VLDLR: variants seen among roughly 807,000 people sequenced by gnomAD.
The protein encoded by VLDLR is very low density lipoprotein receptor.
VLDLR carries 81 observed loss-of-function variants against 112.7 expected under a neutral mutation model. That is an observed-to-expected ratio of 0.72 (90% CI 0.60 to 0.86). The LOEUF (loss-of-function observed/expected upper bound fraction) is 0.86. VLDLR is among the 40% of genes least tolerant of loss of function. The pLI is 0.00. For missense variants in VLDLR, 1,237 were observed against 1,099.4 expected, an observed-to-expected ratio of 1.13 and a Z score of -1.77; for synonymous variants, 436 against 384.8, an observed-to-expected ratio of 1.13 and a Z score of -1.56.
chr9:2,646,426 C>A lies in VLDLR; in HGVS notation c.1577C>A (p.Thr526Asn), dbSNP rs1818075527. The change falls in exon 11 of 19, where the codon ACC (threonine) becomes AAC (asparagine). Residue 526 changes from threonine (T) to asparagine (N), a missense_variant. By Grantham distance (65) the Thr-to-Asn change is moderately conservative. Transcript: ENST00000382100. ...ATTGCTGTTGATTGGGTGTACAAGA[C>A]CATCTACTGGACTGATGCGGCTTCT... ...AAIAVDWVYK[T>N]IYWTDAASKT... 1.2e-6 allele frequency: 2 copies of A among 1,614,158 alleles called. No homozygotes were observed. Among genetic ancestry groups the A allele is most frequent in the Non-Finnish European group, 1.7e-6 (2 of 1,180,024 alleles).
chr9:2,652,726 T>C, intron 17 of VLDLR, 54 bp from the exon 18 acceptor site: 1 of 1,603,682 alleles, frequency 6.2e-7, no homozygotes, highest in Non-Finnish European at 8.5e-7. Context: ...TTACCTTTCT[T>C]GTATGTTCCA....
chr9:2,647,885 T>C (rs767209138), intron 12 of VLDLR: 37 of 568,222 alleles, frequency 6.5e-5, no homozygotes, highest in Non-Finnish European at 1.0e-4. Context: ...TGCCTTAGCA[T>C]TTCCTGAATT....
At chr9:2,644,089 G>C (rs879129189) in intron 7 of VLDLR, 130 bp downstream of exon 7, 1 of 1,363,426 alleles carries the variant, frequency 7.3e-7, no homozygotes, top group African/African-American at 1.5e-5. Context: ...GTAGACTTCA[G>C]AGTGAAACTT....
At chr9:2,644,018 T>C (rs1817947036) in intron 7 of VLDLR, 59 bp downstream of exon 7, 1 of 1,612,516 alleles carries the variant, frequency 6.2e-7, no homozygotes, top group African/African-American at 1.3e-5. Context: ...CCAGTATAGC[T>C]AACACTGTGT....
At chr9:2,632,408 C>G (rs1817391510) in intron 1 of VLDLR, among the ~76,000 whole-genome samples, 1 of 152,160 alleles carries the variant, frequency 6.6e-6, no homozygotes, top group Admixed American at 6.5e-5. Context: ...CTTCTACTTC[C>G]AAGGTATTTT....
In VLDLR at chr9:2,647,295, G is replaced by A. The variant is rs544557567; in HGVS notation, c.1704-179G>A. Among the ~76,000 whole-genome samples the A allele has an allele frequency of 9.2e-5, 14 of 152,296 alleles. No homozygotes were observed. The South Asian group carries it at 2.7e-3, about 29-fold the overall frequency. ...GATTATTATAGTTAATAATGAGCTTGTAGATTCTTAATATTCAATTTTATT... is the reference window on the plus strand; with the variant it reads ...GATTATTATAGTTAATAATGAGCTTATAGATTCTTAATATTCAATTTTATT... On this transcript the variant is annotated intron_variant, in intron 11 of 18. Transcript: ENST00000382100.
rs1817561623 is a variant in VLDLR, at chr9:2,635,494, A to G, written c.124A>G (p.Asn42Asp). Residue 42 changes from asparagine to aspartate, a missense_variant, in exon 2 of 19, where the codon AAT becomes GAT. By Grantham distance (23) the Asn-to-Asp change is conservative (BLOSUM62 1). Coordinates refer to ENST00000382100, the MANE Select transcript of VLDLR (RefSeq NM_003383.5). ...TGAACCCTCCCAATTCCAGTGCACA[A>G]ATGGTCGCTGTATTACGCTGTTGTG... ...KCEPSQFQCT[N>D]GRCITLLWKC... 1.2e-6 allele frequency: 2 copies of G among 1,614,026 alleles called. No homozygotes were observed. Among genetic ancestry groups the G allele is most frequent in the Admixed American group, 1.7e-5 (1 of 60,000 alleles).
At chr9:2,625,763 C>G (rs1162365909) in intron 1 of VLDLR, among the ~76,000 whole-genome samples, 1 of 152,106 alleles carries the variant, frequency 6.6e-6, no homozygotes, top group South Asian at 2.1e-4. Flanking sequence ...GCAAACAGTC[C>G]AAAAATACTG....
intron 1 of VLDLR, among the ~76,000 whole-genome samples, chr9:2,633,051 A>AGAGAGAGAGAGAGAGAGAGT (rs1460780869): frequency 4.3e-5 from 5 of 115,402 alleles, no homozygotes; most frequent in African/African-American, 1.7e-4. Flanking sequence ...AGAGAGAGAG[A>AGAGAGAGAGAGAGAGAGAGT]GTGTGTGTGT....
intron 12 of VLDLR, 106 bp from the exon 13 acceptor site, chr9:2,648,102 G>A: frequency 5.3e-6 from 8 of 1,505,040 alleles, no homozygotes; most frequent in Non-Finnish European, 7.3e-6. Context: ...AAGAAACCCT[G>A]CTGGGGAAAG....
At chr9:2,626,596 C>T (rs1266680574) in intron 1 of VLDLR, among the ~76,000 whole-genome samples, 5 of 152,180 alleles carry the variant, frequency 3.3e-5, no homozygotes, top group African/African-American at 1.2e-4. Context: ...TGTTTCAATG[C>T]TTGCTTAGAG....
At chr9:2,625,143 T>C (rs567901364) in intron 1 of VLDLR, among the ~76,000 whole-genome samples, 1 of 152,336 alleles carries the variant, frequency 6.6e-6, no homozygotes, top group East Asian at 1.9e-4. Context: ...TGTCATAAAA[T>C]TGAATAACCG....
chr9:2,651,431 G>GACTT lies in VLDLR; in HGVS notation c.2271_2274dup (p.Ser759LeufsTer3). The stretch of plus-strand genomic sequence containing the variant: ...ATAATTCAGGTACTGCAACTACTGT[G>GACTT]ACTTACAGTGAGACAAAAGATACGA... On this transcript the variant is annotated frameshift_variant, in exon 16 of 19. Coordinates refer to ENST00000382100, the MANE Select transcript of VLDLR (RefSeq NM_003383.5). LOFTEE classifies it high-confidence loss of function. The GACTT allele has an allele frequency of 6.2e-7, 1 of 1,613,842 alleles. No homozygotes were observed. The highest frequency in any genetic ancestry group is 8.5e-7 in the Non-Finnish European group (1 of 1,179,884).
intron 3 of VLDLR, 111 bp from the exon 4 acceptor site, chr9:2,641,266 C>T: frequency 6.5e-7 from 1 of 1,547,370 alleles, no homozygotes; most frequent in Non-Finnish European, 8.9e-7. Context: ...AGAATTTCAC[C>T]AGTGTGCCAG....
chr9:2,635,505 T>C lies in VLDLR; in HGVS notation c.135T>C (p.Cys45=), dbSNP rs1333608386. ...PSQFQCTNGR[C]ITLLWKCDGD... ...AATTCCAGTGCACAAATGGTCGCTG[T>C]ATTACGCTGTTGTGGAAATGTGATG... Residue 45 remains cysteine, a synonymous_variant, in exon 2 of 19, where the codon TGT becomes TGC. Transcript: ENST00000382100. The C allele has an allele frequency of 1.2e-6, 2 of 1,614,040 alleles. No individual in the cohort carries two copies. The highest frequency in any genetic ancestry group is 1.1e-5 in the South Asian group (1 of 91,082).
chr9:2,653,714 T>C, intron 18 of VLDLR, 119 bp from the exon 19 acceptor site: 1 of 1,039,680 alleles, frequency 9.6e-7, no homozygotes, highest in South Asian at 1.3e-5. Flanking sequence ...TGACTGACTT[T>C]TCTTCTAAGC....
Position 2,622,162 on chromosome 9 carries a change from C to T in VLDLR, c.-28C>T. 2 of 1,476,482 alleles carry T rather than the reference C, an allele frequency of 1.4e-6. No individual in the cohort carries two copies. Among genetic ancestry groups the T allele is most frequent in the East Asian group, 2.7e-5 (1 of 36,588 alleles). The allele number at this position is 1,476,482 out of a possible 1,614,324, so 91.5% of individuals were successfully genotyped here. A position where few individuals can be genotyped will look rare whatever the true frequency, so the allele number is the denominator to read the frequency against. On this transcript the variant is annotated 5_prime_UTR_variant, in exon 1 of 19. Transcript: ENST00000382100. The stretch of plus-strand genomic sequence containing the variant: ...GCGGAGCGAACGGCGGCGGCGGCGG[C>T]GGCGGCGGCACCATCCAGGCGGGCA...
In VLDLR at chr9:2,653,016, T is replaced by TGAGAGA. The variant is rs139411927; in HGVS notation, c.2586+75_2586+80dup. On this transcript the variant is annotated intron_variant, in intron 18 of 18. Transcript: ENST00000382100. ...AGACTTTTCAGAAAGGAGACCTGGG[T>TGAGAGA]GAGAGAGAGAGAGCCATTAGGATGA... 2.0e-5 allele frequency: 32 copies of TGAGAGA among 1,594,802 alleles called. No individual in the cohort carries two copies. In the East Asian group the frequency reaches 6.9e-4, roughly 35 times the overall value.
At chr9:2,651,989 C>T in intron 17 of VLDLR, 35 bp downstream of exon 17, 2 of 1,600,590 alleles carry the variant, frequency 1.2e-6, no homozygotes. Context: ...GGTTCAAGAA[C>T]TTCTTAGATA....
Sources: gnomAD v4.1 joint callset for allele counts (sites outside exome capture counted in the v4.1 genomes callset) on GRCh38, gnomAD v4.1.1 for gene constraint, MANE v1.5 for transcripts, NCBI Gene and HGNC (gene_info 2026-07-23, HGNC 2026-07-21) for gene names.